The following KIAA1217 variants were observed in gnomAD, a reference collection of about 807,000 sequenced individuals.
KIAA1217 encodes KIAA1217.
KIAA1217 carries 88 observed loss-of-function variants against 163.9 expected under a neutral mutation model. The observed-to-expected ratio is 0.54, with a 90% CI of 0.45 to 0.64. The LOEUF (loss-of-function observed/expected upper bound fraction) is 0.64, where lower values mean the gene tolerates loss of function less well. KIAA1217 is among the 30% of genes least tolerant of loss of function. The pLI is 0.00. For synonymous variants in KIAA1217, 903 were observed against 923.1 expected, an observed-to-expected ratio of 0.98 and a Z score of 0.39; for missense variants, 2,372 against 2,475.0, an observed-to-expected ratio of 0.96 and a Z score of 0.88.
chr10:24,052,909 A>G (rs1849621540), intron 2 of KIAA1217, among the ~76,000 whole-genome samples: 1 of 152,164 alleles, frequency 6.6e-6, no homozygotes, highest in African/African-American at 2.4e-5. Context: ...TAATCACATA[A>G]TACCAACCTT....
chr10:23,954,020 A>T (rs1844449811), intron 1 of KIAA1217, among the ~76,000 whole-genome samples: 2 of 152,200 alleles, frequency 1.3e-5, no homozygotes, highest in South Asian at 4.1e-4. Context: ...CGTTTAATTT[A>T]AATCTGTTTT....
At chr10:24,116,051 T>C (rs1441165282) in intron 2 of KIAA1217, among the ~76,000 whole-genome samples, 1 of 152,170 alleles carries the variant, frequency 6.6e-6, no homozygotes, top group East Asian at 1.9e-4. Flanking sequence ...CTTCTCTGAC[T>C]TCCCTCGTTG....
At position 24,547,460 on chromosome 10, in the gene KIAA1217, A is replaced by G. The variant is rs1433680559; in HGVS notation, c.*1136A>G. 3 of 152,608 alleles carry G rather than the reference A, an allele frequency of 2.0e-5. No individual in the cohort carries two copies. Among genetic ancestry groups the G allele is most frequent in the Non-Finnish European group, 4.4e-5 (3 of 68,044 alleles). 9.5% of individuals were successfully genotyped at this position (152,608 alleles called of 1,614,324 possible). A position where few individuals can be genotyped will look rare whatever the true frequency, so the allele number is the denominator to read the frequency against. On this transcript the variant is annotated 3_prime_UTR_variant, in exon 21 of 21. Coordinates refer to ENST00000376454, the MANE Select transcript of KIAA1217 (RefSeq NM_019590.5). The stretch of plus-strand genomic sequence containing the variant: ...CAGAACTATAAGCAGAGACTTTGCA[A>G]AACTAAATAAAGGGCTGCATGCTTA...
intron 1 of KIAA1217, among the ~76,000 whole-genome samples, chr10:23,926,995 C>G (rs1258872160): frequency 6.6e-6 from 1 of 152,040 alleles, no homozygotes; most frequent in African/African-American, 2.4e-5. Flanking sequence ...GCAGCCTCGA[C>G]TTCCCAGGTT....
intron 3 of KIAA1217, among the ~76,000 whole-genome samples, chr10:24,403,891 T>C (rs531659840): frequency 6.6e-6 from 1 of 152,346 alleles, no homozygotes; most frequent in Non-Finnish European, 1.5e-5. Flanking sequence ...CTGGATCACT[T>C]ATACATTGCT....
At chr10:24,113,076 G>C (rs867500132) in intron 2 of KIAA1217, among the ~76,000 whole-genome samples, 63 of 151,996 alleles carry the variant, frequency 4.1e-4, no homozygotes, top group African/African-American at 1.4e-3. Context: ...CTGATTCCAG[G>C]GTGAGAGAGT....
At chr10:24,098,414 AAGAAAC>A (rs1451510748) in intron 2 of KIAA1217, among the ~76,000 whole-genome samples, 1 of 152,126 alleles carries the variant, frequency 6.6e-6, no homozygotes, top group Non-Finnish European at 1.5e-5. Flanking sequence ...CCAAACAGAA[AAGAAAC>A]CAGGACTTTG....
chr10:24,525,027 C>CCTGTAGGA (rs1347875286), intron 13 of KIAA1217, among the ~76,000 whole-genome samples: 14 of 151,060 alleles, frequency 9.3e-5, no homozygotes, highest in Non-Finnish European at 1.6e-4. Flanking sequence ...GGTGAGACAG[C>CCTGTAGGA]AGTGTGCTGG....
At position 24,380,909 on chromosome 10, in the gene KIAA1217, G is replaced by A. The variant is rs2053211585; in HGVS notation, c.395G>A (p.Ser132Asn). ...CTGTCTCACAGTCCTCAACCACCCAGTCTGGGTGACCCGGTCGAGCATTTA... is the reference window on the plus strand; with the variant it reads ...CTGTCTCACAGTCCTCAACCACCCAATCTGGGTGACCCGGTCGAGCATTTA... ...PKLSHSPQPP[S>N]LGDPVEHLSE... The change falls in exon 3 of 21, where the codon AGT becomes AAT. Residue 132 changes from serine to asparagine, a missense_variant. Transcript: ENST00000376454. The A allele has an allele frequency of 1.2e-6, 2 of 1,600,566 alleles. No individual in the cohort carries two copies. Among genetic ancestry groups the A allele is most frequent in the Non-Finnish European group, 1.7e-6 (2 of 1,172,376 alleles).
At position 24,398,578 on chromosome 10, in the gene KIAA1217, C is replaced by T. The variant is rs11816340; in HGVS notation, c.553+17511C>T. Among the ~76,000 whole-genome samples, 138 of 152,208 alleles carry T rather than the reference C, an allele frequency of 9.1e-4. 1 individual carries two copies. Among genetic ancestry groups the T allele is most frequent in the African/African-American group, 3.3e-3 (135 of 41,520 alleles). ...TTAGAACAGGAAAGAAAGGAAAGTA[C>T]ACTTGGAAGAGACCCAAGCAGGCAC... is the stretch of plus-strand genomic sequence containing the variant. On this transcript the variant is annotated intron_variant, in intron 3 of 20. Coordinates refer to ENST00000376454, the MANE Select transcript of KIAA1217 (RefSeq NM_019590.5).
intron 1 of KIAA1217, among the ~76,000 whole-genome samples, chr10:23,787,516 G>C (rs1282144060): frequency 6.6e-6 from 1 of 152,082 alleles, no homozygotes; most frequent in Non-Finnish European, 1.5e-5. Flanking sequence ...CTAGAAAATA[G>C]ACCATTAAGG....
At chr10:23,706,282 C>T (rs1337334076) in intron 1 of KIAA1217, among the ~76,000 whole-genome samples, 1 of 151,992 alleles carries the variant, frequency 6.6e-6, no homozygotes, top group East Asian at 1.9e-4. Context: ...GCCTAATTGT[C>T]CTCGCTAGGT....
Position 24,347,509 on chromosome 10 carries a change from T to C in KIAA1217, c.355-33360T>C, listed in dbSNP as rs1032767116. Among the ~76,000 whole-genome samples the C allele has an allele frequency of 3.3e-5, 5 of 152,316 alleles. No individual in the cohort carries two copies. In the East Asian group the frequency reaches 9.7e-4, roughly 29 times the overall value. ...CAAACGTGCCAGCTTTGACTACCCT[T>C]GACACTAGGTAAGTGGGAGATTAAT... On this transcript the variant is annotated intron_variant, in intron 2 of 20. Transcript: ENST00000376454.
intron 7 of KIAA1217, 131 bp downstream of exon 7, chr10:24,494,735 T>G (rs1272398966): frequency 1.4e-6 from 1 of 700,324 alleles, no homozygotes; most frequent in African/African-American, 1.8e-5. Context: ...TCTCTATGGA[T>G]CATGGGCGTT....
At chr10:24,486,217 C>T (rs1236784100) in intron 6 of KIAA1217, among the ~76,000 whole-genome samples, 1 of 152,186 alleles carries the variant, frequency 6.6e-6, no homozygotes, top group African/African-American at 2.4e-5. Context: ...TGGAGGGGGC[C>T]AGAGTGACCC....
At chr10:23,750,379 C>T (rs999351386) in intron 1 of KIAA1217, among the ~76,000 whole-genome samples, 1 of 152,160 alleles carries the variant, frequency 6.6e-6, no homozygotes, top group East Asian at 1.9e-4. Flanking sequence ...TCCAGCAGTC[C>T]TAAGAATTCA....
At position 24,467,796 on chromosome 10, in the gene KIAA1217, ATGTGTATG is replaced by A. The variant is rs1281174154; in HGVS notation, c.847-5426_847-5419del. On this transcript the variant is annotated intron_variant, in intron 5 of 20. Transcript: ENST00000376454. ...TGTGAATGGCAACTCGTATGTGTGT[ATGTGTATG>A]TGTGTGTGTATGTGTGTGTGTGTGT... 8.5e-5 allele frequency among the ~76,000 whole-genome samples: 12 copies of A among 141,406 alleles called. No homozygotes were observed. In the East Asian group the frequency reaches 2.3e-3, roughly 27 times the overall value. 92.8% of individuals were successfully genotyped at this position (141,406 alleles called of 152,430 possible). A position where few individuals can be genotyped will look rare whatever the true frequency, so the allele number is the denominator to read the frequency against.
chr10:24,290,607 CTT>C (rs772470799), intron 2 of KIAA1217, among the ~76,000 whole-genome samples: 3 of 142,750 alleles, frequency 2.1e-5, no homozygotes, highest in Admixed American at 7.1e-5. Flanking sequence ...AGATGTCTCT[CTT>C]TTTTTTTTTT....
intron 1 of KIAA1217, among the ~76,000 whole-genome samples, chr10:23,934,910 C>G (rs1194513425): frequency 6.6e-6 from 1 of 151,788 alleles, no homozygotes; most frequent in Non-Finnish European, 1.5e-5. Flanking sequence ...AGCCACCGCG[C>G]CTAGCCAAAG....
Sources: allele counts gnomAD v4.1 joint callset (sites outside exome capture counted in the v4.1 genomes callset), GRCh38; gene constraint gnomAD v4.1.1; transcripts MANE v1.5; gene names NCBI Gene and HGNC (gene_info 2026-07-23, HGNC 2026-07-21).